Variants in KCNH7 observed in about 807,000 individuals in gnomAD.
KCNH7 encodes the protein potassium voltage-gated channel subfamily H member 7.
In KCNH7, 49 loss-of-function variants were observed where a neutral mutation model predicts 120.8. The observed-to-expected ratio is 0.41, with a 90% CI of 0.32 to 0.51. The LOEUF (loss-of-function observed/expected upper bound fraction) is 0.51, where lower values mean the gene tolerates loss of function less well. KCNH7 is among the 20% of genes least tolerant of loss of function. The pLI is 0.38. For missense variants in KCNH7, 1,097 were observed against 1,446.6 expected (o/e 0.76, Z 3.92); for synonymous variants, 547 against 516.1 (o/e 1.06, Z -0.81).
At chr2:162,458,795 G>T (rs141008815) in intron 6 of KCNH7, among the ~76,000 whole-genome samples, 7 of 152,132 alleles carry the variant, frequency 4.6e-5, no homozygotes, top group African/African-American at 1.2e-4. Context: ...TCGGCAGGCA[G>T]TTAGAAGGTC....
Position 162,420,942 on chromosome 2 carries a change from A to AT in KCNH7, c.2154+2393dup, listed in dbSNP as rs569097977. Among the ~76,000 whole-genome samples, 150 of 150,464 alleles carry AT rather than the reference A, an allele frequency of 1.0e-3. 2 individuals are homozygous for AT. Among genetic ancestry groups the AT allele is most frequent in the East Asian group, 2.5e-3 (13 of 5,128 alleles). ...TTGGAGGTAAAAAAAATCCATTTTG[A>AT]TTTTTTTTTTAAACTCTCAATAGTC... On this transcript the variant is annotated intron_variant, in intron 9 of 15. Coordinates refer to ENST00000332142, the MANE Select transcript of KCNH7 (RefSeq NM_033272.4).
In KCNH7 at chr2:162,549,885, G is replaced by T. The variant is rs370137903; in HGVS notation, c.308-12805C>A. On this transcript the variant is annotated intron_variant, in intron 2 of 15. Transcript: ENST00000332142. ...CTTGTAACATCACTAGGAAAACATA[G>T]TTAAGAAGGCCATGTACCCAAATTT... is the stretch of plus-strand genomic sequence containing the variant. Among the ~76,000 whole-genome samples the T allele has an allele frequency of 3.0e-4, 46 of 152,278 alleles. No individual in the cohort carries two copies. In the South Asian group the frequency reaches 8.9e-3, roughly 30 times the overall value.
At chr2:162,391,879 G>T (rs1157860837) in intron 12 of KCNH7, among the ~76,000 whole-genome samples, 2 of 151,912 alleles carry the variant, frequency 1.3e-5, no homozygotes, top group African/African-American at 4.8e-5. Flanking sequence ...TTAACTCTGT[G>T]GAAGAACAGC....
intron 2 of KCNH7, among the ~76,000 whole-genome samples, chr2:162,618,858 A>G (rs1683239578): frequency 6.6e-6 from 1 of 152,198 alleles, no homozygotes; most frequent in Admixed American, 6.5e-5. Flanking sequence ...ATGCAGAAGA[A>G]TAAATTAGCT....
At chr2:162,770,592 G>A (rs1002595427) in intron 2 of KCNH7, among the ~76,000 whole-genome samples, 1 of 151,936 alleles carries the variant, frequency 6.6e-6, no homozygotes, top group Non-Finnish European at 1.5e-5. Context: ...AATTAAGATG[G>A]CAGAAATTCA....
intron 2 of KCNH7, among the ~76,000 whole-genome samples, chr2:162,786,977 C>T (rs1167334645): frequency 6.6e-6 from 1 of 152,210 alleles, no homozygotes; most frequent in Admixed American, 6.5e-5. Context: ...CCTGCATCAA[C>T]CTTCCCCGAA....
At chr2:162,528,465 G>A (rs765947411) in intron 3 of KCNH7, 2 of 152,052 alleles carry the variant, frequency 1.3e-5, no homozygotes, top group Non-Finnish European at 2.9e-5. Flanking sequence ...AGAGTCCTTT[G>A]GAATAGGTAT....
At chr2:162,596,439 A>C (rs891822548) in intron 2 of KCNH7, among the ~76,000 whole-genome samples, 1 of 152,096 alleles carries the variant, frequency 6.6e-6, no homozygotes, top group Admixed American at 6.6e-5. Context: ...AAAGGTGCCA[A>C]GAACACACAA....
At chr2:162,410,861 A>G (rs1054946743) in intron 9 of KCNH7, among the ~76,000 whole-genome samples, 1 of 151,930 alleles carries the variant, frequency 6.6e-6, no homozygotes, top group African/African-American at 2.4e-5. Flanking sequence ...TTTATCATCA[A>G]TAATTATCAG....
At chr2:162,464,364 C>T (rs2105615705) in intron 6 of KCNH7, among the ~76,000 whole-genome samples, 1 of 151,980 alleles carries the variant, frequency 6.6e-6, no homozygotes, top group East Asian at 1.9e-4. Context: ...ATAAAAACTA[C>T]AAGGACTTTT....
chr2:162,615,223 C>A (rs960267455), intron 2 of KCNH7, among the ~76,000 whole-genome samples: 1 of 152,164 alleles, frequency 6.6e-6, no homozygotes, highest in African/African-American at 2.4e-5. Context: ...TAGCCAATCA[C>A]GGAAGATTTC....
intron 2 of KCNH7, among the ~76,000 whole-genome samples, chr2:162,827,278 G>T (rs894109056): frequency 6.6e-6 from 1 of 152,014 alleles, no homozygotes; most frequent in Admixed American, 6.6e-5. Flanking sequence ...GAGGGGAAAA[G>T]GACACCATGT....
intron 2 of KCNH7, chr2:162,784,593 CA>C (rs1309983409): frequency 1.8e-4 from 28 of 152,004 alleles, no homozygotes; most frequent in African/African-American, 6.3e-4. Context: ...CTAATTTCAT[CA>C]AGTAGTGGAA....
chr2:162,448,913 G>A (rs1330680444), intron 6 of KCNH7, among the ~76,000 whole-genome samples: 1 of 151,978 alleles, frequency 6.6e-6, no homozygotes, highest in Non-Finnish European at 1.5e-5. Flanking sequence ...ATTGGTGATG[G>A]TGCTGATGGA....
chr2:162,389,304 G>T (rs1351516340), intron 12 of KCNH7, among the ~76,000 whole-genome samples: 1 of 151,908 alleles, frequency 6.6e-6, no homozygotes, highest in East Asian at 1.9e-4. Flanking sequence ...AGGTTAGGAA[G>T]GAAAAGCTCA....
chr2:162,642,177 C>T (rs776309624), intron 2 of KCNH7, among the ~76,000 whole-genome samples: 11 of 152,252 alleles, frequency 7.2e-5, no homozygotes, highest in East Asian at 1.9e-4. Context: ...TTCACAGTGA[C>T]GGCTTCTGTC....
At chr2:162,562,478 C>T (rs1349663756) in intron 2 of KCNH7, among the ~76,000 whole-genome samples, 1 of 152,032 alleles carries the variant, frequency 6.6e-6, no homozygotes, top group Non-Finnish European at 1.5e-5. Flanking sequence ...ACTAGTTGCA[C>T]CGTGGCTTTG....
At chr2:162,521,183 C>G (rs1691508070) in intron 3 of KCNH7, among the ~76,000 whole-genome samples, 1 of 151,858 alleles carries the variant, frequency 6.6e-6, no homozygotes, top group South Asian at 2.1e-4. Flanking sequence ...CTCAGAAGGG[C>G]AGGGCCCCAG....
intron 8 of KCNH7, among the ~76,000 whole-genome samples, chr2:162,429,469 T>G (rs11899393): frequency 1.3e-5 from 2 of 149,718 alleles, no homozygotes; most frequent in East Asian, 3.9e-4. Context: ...TCATCTGGTA[T>G]AATTTTCTTT....
Sources: allele counts gnomAD v4.1 joint callset (sites outside exome capture counted in the v4.1 genomes callset), GRCh38; gene constraint gnomAD v4.1.1; transcripts MANE v1.5; gene names NCBI Gene and HGNC (gene_info 2026-07-23, HGNC 2026-07-21).